Variants in NOTCH2 observed in about 807,000 individuals in gnomAD.
NOTCH2 encodes notch receptor 2.
Under a neutral mutation model 235.8 loss-of-function variants are expected in NOTCH2, and 29 were observed. The observed-to-expected ratio is 0.12, with a 90% CI of 0.09 to 0.17. NOTCH2 has a LOEUF of 0.17. Ranked by LOEUF, NOTCH2 falls within the 10% of genes least tolerant of loss-of-function variation. NOTCH2 has a pLI of 1.00. For missense variants in NOTCH2, 2,285 were observed against 3,150.2 expected, an observed-to-expected ratio of 0.73 and a Z score of 6.57; for synonymous variants, 1,086 against 1,141.5, an observed-to-expected ratio of 0.95 and a Z score of 0.98.
chr1:119,969,264 A>G (rs1651270445), intron 6 of NOTCH2, among the ~76,000 whole-genome samples: 1 of 152,348 alleles, frequency 6.6e-6, no homozygotes, highest in South Asian at 2.1e-4. Context: ...GACAATAGTT[A>G]CTAACTTTCC....
intron 2 of NOTCH2, among the ~76,000 whole-genome samples, chr1:120,024,796 G>A (rs1428665384): frequency 2.0e-5 from 3 of 151,988 alleles, no homozygotes; most frequent in South Asian, 2.1e-4. Context: ...TTTACCAAGT[G>A]GTATGTATGA....
chr1:120,066,332 C>T (rs797043932), intron 1 of NOTCH2, among the ~76,000 whole-genome samples: 19,120 of 142,126 alleles, frequency 0.13, 1,385 homozygotes, highest in African/African-American at 0.26. Flanking sequence ...GTCAGAATCA[C>T]CTGTAAACCT....
At chr1:119,977,419 A>G (rs587727688) in intron 5 of NOTCH2, among the ~76,000 whole-genome samples, 1 of 152,262 alleles carries the variant, frequency 6.6e-6, no homozygotes, top group East Asian at 1.9e-4. Context: ...CTACGCCTCA[A>G]GGGCAACTCT....
rs758608866 is a variant in NOTCH2 at position 119,919,437 on chromosome 1, G to A, written c.5656C>T (p.Arg1886Cys). Residue 1886 changes from arginine (R) to cysteine (C), a missense_variant, in exon 31 of 34, where the codon CGC (arginine) becomes TGC (cysteine). Physicochemically the swap from Arg to Cys is radical, Grantham distance 180. Coordinates refer to ENST00000256646, the MANE Select transcript of NOTCH2 (RefSeq NM_024408.4). ...TGEMALHLAA[R>C]YSRADAAKRL... is the part of the protein sequence containing the mutation. Reference sequence around the variant, plus strand: ...TTGGCAGCATCAGCCCGTGAGTAGCGGGCTGCAAGGTGCAGGGCCATCTCA... The same window carrying A: ...TTGGCAGCATCAGCCCGTGAGTAGCAGGCTGCAAGGTGCAGGGCCATCTCA... 1.2e-6 allele frequency: 2 copies of A among 1,613,784 alleles called. No homozygotes were observed. Among genetic ancestry groups the A allele is most frequent in the Non-Finnish European group, 1.7e-6 (2 of 1,180,028 alleles).
At chr1:120,005,811 G>C (rs1204627357) in intron 2 of NOTCH2, among the ~76,000 whole-genome samples, 4 of 91,380 alleles carry the variant, frequency 4.4e-5, no homozygotes, top group African/African-American at 1.2e-4. Flanking sequence ...AGAGTATCAG[G>C]TGTATGGTCT....
chr1:119,918,934 G>A (rs74115400), intron 31 of NOTCH2, among the ~76,000 whole-genome samples: 1,613 of 148,236 alleles, frequency 0.011, 29 homozygotes, highest in African/African-American at 0.04. Flanking sequence ...CAAGAAAACT[G>A]CCAATGAGCA....
chr1:120,006,725 C>T (rs1652990930), intron 2 of NOTCH2, among the ~76,000 whole-genome samples: 1 of 151,524 alleles, frequency 6.6e-6, no homozygotes, highest in African/African-American at 2.4e-5. Flanking sequence ...AAAGATTACA[C>T]ATTTAAACCA....
intron 1 of NOTCH2, among the ~76,000 whole-genome samples, chr1:120,037,689 A>T (rs1553212118): frequency 6.6e-6 from 1 of 151,980 alleles, no homozygotes; most frequent in African/African-American, 2.4e-5. Context: ...AAAAAACAAA[A>T]AAAAGCAATA....
intron 3 of NOTCH2, among the ~76,000 whole-genome samples, chr1:120,000,742 CAACTCAA>C (rs1274580348): frequency 6.6e-6 from 1 of 150,986 alleles, no homozygotes; most frequent in East Asian, 1.9e-4. Context: ...AATAGCAAAA[CAACTCAA>C]AACTGACAAT....
At chr1:119,955,548 A>G (rs1317131782) in intron 12 of NOTCH2, among the ~76,000 whole-genome samples, 2 of 152,232 alleles carry the variant, frequency 1.3e-5, no homozygotes, top group Non-Finnish European at 2.9e-5. Context: ...AATGTTACCA[A>G]AGAAGGCTTC....
intron 3 of NOTCH2, among the ~76,000 whole-genome samples, chr1:119,999,964 AAAGAAAGAAAGAAAGGAAGGAAGGAAGG>A (rs1330048181): frequency 2.5e-4 from 32 of 127,088 alleles, no homozygotes; most frequent in African/African-American, 9.1e-4. Flanking sequence ...AGAAAGAAAG[AAAGAAAGAAAGAAAGGAAGGAAGGAAGG>A]AAGGAAGGAA....
At chr1:119,971,295 G>A (rs996511650) in intron 5 of NOTCH2, among the ~76,000 whole-genome samples, 5 of 152,166 alleles carry the variant, frequency 3.3e-5, no homozygotes, top group South Asian at 2.1e-4. Flanking sequence ...CTCCGTGCTC[G>A]GCATAACCCT....
chr1:119,919,766 C>A (rs966908971), intron 30 of NOTCH2, among the ~76,000 whole-genome samples, 153 bp from the exon 31 acceptor site: 1 of 152,202 alleles, frequency 6.6e-6, no homozygotes, highest in Non-Finnish European at 1.5e-5. Context: ...CATTTGCCAC[C>A]TTTTCCTCTG....
At position 119,944,124 on chromosome 1, in the gene NOTCH2, C is replaced by T. The variant is rs188612441; in HGVS notation, c.2753-2370G>A. 7.2e-4 allele frequency among the ~76,000 whole-genome samples: 110 copies of T among 152,082 alleles called. 1 individual carries two copies. In the East Asian group the frequency reaches 0.014, roughly 19 times the overall value. On this transcript the variant is annotated intron_variant, in intron 17 of 33. Coordinates refer to ENST00000256646, the MANE Select transcript of NOTCH2 (RefSeq NM_024408.4). ...CATAATGAACATTATAAAAGGGAGA[C>T]GCAAAAACTTTTGAAAAAAATAATG...
chr1:119,932,884 C>G (rs782790800), intron 22 of NOTCH2, among the ~76,000 whole-genome samples: 1 of 152,022 alleles, frequency 6.6e-6, no homozygotes, highest in Non-Finnish European at 1.5e-5. Context: ...TACATGTTTG[C>G]AGGAGAGGGA....
At chr1:120,006,051 T>C (rs1652964339) in intron 2 of NOTCH2, among the ~76,000 whole-genome samples, 1 of 151,466 alleles carries the variant, frequency 6.6e-6, no homozygotes, top group Non-Finnish European at 1.5e-5. Context: ...CCCCTCCAAT[T>C]TAAAATATGT....
rs202006727 is a variant in NOTCH2 at position 120,005,389 on chromosome 1, C to T, written c.355G>A (p.Gly119Ser). 25 of 1,613,900 alleles carry T rather than the reference C, an allele frequency of 1.5e-5. No individual in the cohort carries two copies. Among genetic ancestry groups the T allele is most frequent in the South Asian group, 8.8e-5 (8 of 91,078 alleles). ...TCCCGGCTGAGCATATGGCATGTGC[C>T]GCCATTCAGGCAGGGTCGAGACACA... ...CFVSRPCLNG[G>S]TCHMLSRDTY... is the part of the protein sequence containing the mutation. Residue 119 changes from glycine (G) to serine (S), a missense_variant, in exon 3 of 34, where the codon GGC becomes AGC. This residue lies in a region of NOTCH2 where 431 missense variants were observed against 757.8 expected (regional missense o/e 0.57). Coordinates refer to ENST00000256646, the MANE Select transcript of NOTCH2 (RefSeq NM_024408.4).
chr1:119,959,354 G>A (rs1553198740), intron 12 of NOTCH2, 38 bp downstream of exon 12: 1 of 1,068,662 alleles, frequency 9.4e-7, no homozygotes, highest in Non-Finnish European at 1.5e-6. Flanking sequence ...CAAAGTGATA[G>A]GGCTGAAGGA....
rs587713777 is a variant in NOTCH2 at position 119,930,975 on chromosome 1, C to T, written c.3656-1763G>A. Among the ~76,000 whole-genome samples the T allele has an allele frequency of 3.9e-3, 562 of 143,714 alleles. 4 individuals carry two copies. The highest frequency in any genetic ancestry group is 0.014 in the African/African-American group (530 of 38,866). 94.3% of individuals were successfully genotyped at this position (143,714 alleles called of 152,430 possible). Reference sequence around the variant, plus strand: ...AAAATTAGCCAGGCATGGTGGCGGGCGCTTGTAGTCCCAGCTACTCGGGAG... The same window carrying T: ...AAAATTAGCCAGGCATGGTGGCGGGTGCTTGTAGTCCCAGCTACTCGGGAG... On this transcript the variant is annotated intron_variant, in intron 22 of 33. Coordinates refer to ENST00000256646, the MANE Select transcript of NOTCH2 (RefSeq NM_024408.4).
Sources: allele counts gnomAD v4.1 joint callset (sites outside exome capture counted in the v4.1 genomes callset), GRCh38; gene constraint gnomAD v4.1.1; regional missense constraint gnomAD v4.1.1; transcripts MANE v1.5; gene names NCBI Gene and HGNC (gene_info 2026-07-23, HGNC 2026-07-21).